EPHA7: variants seen among roughly 807,000 people sequenced by gnomAD.
EPHA7 encodes the protein ephrin type-A receptor 7.
Under a neutral mutation model 112.6 loss-of-function variants are expected in EPHA7, and 25 were observed. The observed-to-expected ratio is 0.22, with a 90% CI of 0.16 to 0.31. EPHA7 has a LOEUF of 0.31. Among genes scored for constraint, EPHA7 ranks in the 10% least tolerant of loss-of-function variants. The pLI is 1.00. For synonymous variants in EPHA7, 437 were observed against 406.5 expected (o/e 1.07, Z -0.90); for missense variants, 962 against 1,212.6 (o/e 0.79, Z 3.07).
intron 7 of EPHA7, among the ~76,000 whole-genome samples, chr6:93,267,541 T>C (rs1771004780): frequency 6.6e-6 from 1 of 151,728 alleles, no homozygotes. Context: ...GAAACCATAG[T>C]AGGCACTGGC....
intron 5 of EPHA7, among the ~76,000 whole-genome samples, chr6:93,336,444 C>CT (rs535171964): frequency 6.6e-6 from 1 of 152,230 alleles, no homozygotes; most frequent in South Asian, 2.1e-4. Flanking sequence ...ATTATGTTGC[C>CT]CAGGCTGGAG....
At chr6:93,277,683 A>T (rs1771533481) in intron 5 of EPHA7, among the ~76,000 whole-genome samples, 1 of 151,984 alleles carries the variant, frequency 6.6e-6, no homozygotes, top group Admixed American at 6.6e-5. Flanking sequence ...TTCAAAATTA[A>T]ATTATGTTAT....
intron 5 of EPHA7, among the ~76,000 whole-genome samples, chr6:93,327,774 T>C (rs1474110919): frequency 6.6e-6 from 1 of 151,436 alleles, no homozygotes; most frequent in Non-Finnish European, 1.5e-5. Context: ...CCTTCTAGAT[T>C]ATTGCAATAG....
intron 13 of EPHA7, among the ~76,000 whole-genome samples, chr6:93,255,504 T>C (rs1437151315): frequency 6.6e-6 from 1 of 152,206 alleles, no homozygotes; most frequent in Admixed American, 6.5e-5. Flanking sequence ...TTAATATTCC[T>C]TTAAATCTTT....
intron 5 of EPHA7, among the ~76,000 whole-genome samples, chr6:93,341,319 G>A (rs1775124710): frequency 6.6e-6 from 1 of 151,672 alleles, no homozygotes; most frequent in Non-Finnish European, 1.5e-5. Context: ...AAACATTTAT[G>A]CATTTTTGCA....
intron 15 of EPHA7, among the ~76,000 whole-genome samples, chr6:93,245,671 C>G (rs976912132): frequency 6.6e-6 from 1 of 152,144 alleles, no homozygotes; most frequent in Admixed American, 6.5e-5. Flanking sequence ...ATGATGACCA[C>G]CCAGTTTTGT....
chr6:93,414,619 A>G (rs1259918583), intron 2 of EPHA7, 84 bp downstream of exon 2: 12 of 973,020 alleles, frequency 1.2e-5, no homozygotes, highest in Non-Finnish European at 1.8e-5. Context: ...ATACATGAAG[A>G]GTGTGAATAA....
intron 3 of EPHA7, among the ~76,000 whole-genome samples, chr6:93,396,233 T>C (rs1778164273): frequency 6.6e-6 from 1 of 151,918 alleles, no homozygotes; most frequent in South Asian, 2.1e-4. Context: ...GCCATTTTGA[T>C]GACTAATGTG....
rs1338827959 is a variant in EPHA7, at chr6:93,410,443, T to A, written c.832+58A>T. ...TTCAAATAACTATTAAAGTTTAAAATGTCTGATACTGAAATTTAAAAAGGC... is the reference window on the plus strand; with the variant it reads ...TTCAAATAACTATTAAAGTTTAAAAAGTCTGATACTGAAATTTAAAAAGGC... On this transcript the variant is annotated intron_variant, in intron 3 of 16. Coordinates refer to ENST00000369303, the MANE Select transcript of EPHA7 (RefSeq NM_004440.4). The surrounding 1 kb of genome is among the most constrained non-coding windows in gnomAD (Gnocchi z 4.0). 6.9e-7 allele frequency: 1 copy of A among 1,455,060 alleles called. No individual in the cohort carries two copies. The highest frequency in any genetic ancestry group is 2.3e-5 in the East Asian group (1 of 43,822). The allele number at this position is 1,455,060 out of a possible 1,614,324, so 90.1% of individuals were successfully genotyped here. A position where few individuals can be genotyped will look rare whatever the true frequency, so the allele number is the denominator to read the frequency against.
chr6:93,267,542 A>G (rs537720806), intron 7 of EPHA7, among the ~76,000 whole-genome samples: 72 of 151,880 alleles, frequency 4.7e-4, no homozygotes, highest in African/African-American at 1.6e-3. Flanking sequence ...AAACCATAGT[A>G]GGCACTGGCA....
At chr6:93,253,923 AC>A (rs946405143) in intron 14 of EPHA7, among the ~76,000 whole-genome samples, 2 of 151,804 alleles carry the variant, frequency 1.3e-5, no homozygotes, top group African/African-American at 4.8e-5. Context: ...AATAAAAGCA[AC>A]TTTTTTTTTG....
At chr6:93,306,775 CCTCA>C (rs1487942066) in intron 5 of EPHA7, among the ~76,000 whole-genome samples, 2 of 151,854 alleles carry the variant, frequency 1.3e-5, no homozygotes, top group East Asian at 3.9e-4. Context: ...GACAATCATC[CCTCA>C]GTTTTATTTT....
At chr6:93,414,859 A>C (rs1779148881) in intron 1 of EPHA7, 92 bp from the exon 2 acceptor site, 3 of 942,706 alleles carry the variant, frequency 3.2e-6, no homozygotes, top group Non-Finnish European at 5.0e-6. Flanking sequence ...TATAACTATC[A>C]CTATATGACT....
intron 16 of EPHA7, among the ~76,000 whole-genome samples, 154 bp downstream of exon 16, chr6:93,245,144 T>C (rs540283889): frequency 6.6e-6 from 1 of 152,228 alleles, no homozygotes; most frequent in Non-Finnish European, 1.5e-5. Context: ...TTTAGTATAA[T>C]GCCTGGTACG....
chr6:93,291,125 C>T (rs958431522), intron 5 of EPHA7, among the ~76,000 whole-genome samples: 4 of 151,936 alleles, frequency 2.6e-5, no homozygotes, highest in African/African-American at 9.7e-5. Flanking sequence ...CTCTGAAAAC[C>T]CCCTTATGGA....
Position 93,240,063 on chromosome 6 carries a change from G to T in EPHA7, c.*3363C>A. On this transcript the variant is annotated 3_prime_UTR_variant, in exon 17 of 17. Coordinates refer to ENST00000369303, the MANE Select transcript of EPHA7 (RefSeq NM_004440.4). ...ATAGACTTGTTTATTATTTTAAGCTGGTAAAAAGAGACTTATGATTCATGT... is the reference window on the plus strand; with the variant it reads ...ATAGACTTGTTTATTATTTTAAGCTTGTAAAAAGAGACTTATGATTCATGT... The T allele has an allele frequency of 4.6e-6, 1 of 219,070 alleles. No individual in the cohort carries two copies. Among genetic ancestry groups the T allele is most frequent in the Non-Finnish European group, 9.2e-6 (1 of 109,174 alleles). 13.6% of individuals were successfully genotyped at this position (219,070 alleles called of 1,614,324 possible).
chr6:93,377,105 G>A (rs985971830), intron 3 of EPHA7, among the ~76,000 whole-genome samples: 3 of 152,126 alleles, frequency 2.0e-5, no homozygotes, highest in Non-Finnish European at 2.9e-5. Flanking sequence ...AGGTGATTCT[G>A]CCCTGTAGGA....
intron 5 of EPHA7, among the ~76,000 whole-genome samples, chr6:93,351,391 T>C (rs1775686436): frequency 6.6e-6 from 1 of 151,996 alleles, no homozygotes; most frequent in Non-Finnish European, 1.5e-5. Flanking sequence ...TCATGCACGC[T>C]AATCTCCATA....
At chr6:93,405,950 A>T (rs570093) in intron 3 of EPHA7, among the ~76,000 whole-genome samples, 1 of 149,464 alleles carries the variant, frequency 6.7e-6, no homozygotes, top group South Asian at 2.1e-4. Flanking sequence ...GTTTTCAAAA[A>T]CTTTGATCAA....
Sources: gnomAD v4.1 joint callset for allele counts (sites outside exome capture counted in the v4.1 genomes callset) on GRCh38, gnomAD v4.1.1 for gene constraint, Gnocchi (gnomAD v3.1) non-coding constraint, MANE v1.5 for transcripts, NCBI Gene and HGNC (gene_info 2026-07-23, HGNC 2026-07-21) for gene names.